Variants in IL17RD observed in about 807,000 individuals in gnomAD.
IL17RD encodes the protein interleukin-17 receptor D.
Under a neutral mutation model 80.5 loss-of-function variants are expected in IL17RD, and 52 were observed. The observed-to-expected ratio is 0.65, with a 90% CI of 0.52 to 0.81. The LOEUF (loss-of-function observed/expected upper bound fraction) is 0.81. Ranked by LOEUF, IL17RD falls within the 40% of genes least tolerant of loss-of-function variation. The pLI, the probability that IL17RD is intolerant of heterozygous loss-of-function variation, is 0.00. For synonymous variants in IL17RD, 416 were observed against 391.8 expected (o/e 1.06, Z -0.73); for missense variants, 1,024 against 955.1 (o/e 1.07, Z -0.95).
intron 1 of IL17RD, among the ~76,000 whole-genome samples, chr3:57,158,475 A>G (rs1439116027): frequency 6.6e-6 from 1 of 152,230 alleles, no homozygotes; most frequent in Admixed American, 6.5e-5. Context: ...TTTAGAAGAG[A>G]ATTACATGTG....
intron 1 of IL17RD, among the ~76,000 whole-genome samples, chr3:57,144,596 C>A (rs1253325279): frequency 6.6e-6 from 1 of 152,234 alleles, no homozygotes; most frequent in Non-Finnish European, 1.5e-5. Flanking sequence ...CAAACTCACC[C>A]TTGTGGAGGG....
chr3:57,099,733 G>A (rs576297900), intron 11 of IL17RD, among the ~76,000 whole-genome samples: 1 of 152,216 alleles, frequency 6.6e-6, no homozygotes, highest in African/African-American at 2.4e-5. Context: ...TCCATTTCCA[G>A]GCATCTTTCT....
upstream of IL17RD, among the ~76,000 whole-genome samples, chr3:57,166,423 T>C (rs1367610268): frequency 1.3e-5 from 2 of 152,030 alleles, no homozygotes; most frequent in Non-Finnish European, 2.9e-5. Context: ...ATCGCTTGAG[T>C]TCAGGAGTTA....
intron 1 of IL17RD, among the ~76,000 whole-genome samples, chr3:57,162,985 A>G (rs1168080627): frequency 6.6e-6 from 1 of 152,190 alleles, no homozygotes; most frequent in African/African-American, 2.4e-5. Flanking sequence ...AGGAAAAGGC[A>G]TCCTGGGAGG....
chr3:57,154,415 G>T (rs1269279407), intron 1 of IL17RD, among the ~76,000 whole-genome samples: 3 of 147,262 alleles, frequency 2.0e-5, no homozygotes, highest in Non-Finnish European at 4.5e-5. Flanking sequence ...AAGTTCGCTG[G>T]CCTGCTGCCC....
intron 1 of IL17RD, among the ~76,000 whole-genome samples, chr3:57,157,269 A>G (rs1437077802): frequency 2.6e-5 from 4 of 152,202 alleles, no homozygotes; most frequent in Non-Finnish European, 5.9e-5. Context: ...TAGGATGAGG[A>G]GCAGCAGAAG....
intron 1 of IL17RD, among the ~76,000 whole-genome samples, chr3:57,153,404 C>A (rs2060243086): frequency 1.3e-5 from 2 of 152,258 alleles, no homozygotes; most frequent in Admixed American, 1.3e-4. Context: ...AGGAAACAAT[C>A]AAAAATCCAA....
chr3:57,109,049 T>A (rs1403277384), intron 5 of IL17RD, among the ~76,000 whole-genome samples: 1 of 152,220 alleles, frequency 6.6e-6, no homozygotes, highest in African/African-American at 2.4e-5. Context: ...AGATGAGCAG[T>A]GTCTATACCT....
At chr3:57,154,283 T>TATATACACACACACACACAC (rs904157398) in intron 1 of IL17RD, among the ~76,000 whole-genome samples, 6 of 112,908 alleles carry the variant, frequency 5.3e-5, no homozygotes, top group African/African-American at 1.9e-4. Flanking sequence ...TATATATATA[T>TATATACACACACACACACAC]ACACACACAC....
At chr3:57,157,783 A>C (rs925462697) in intron 1 of IL17RD, among the ~76,000 whole-genome samples, 1 of 152,228 alleles carries the variant, frequency 6.6e-6, no homozygotes, top group African/African-American at 2.4e-5. Flanking sequence ...CATATGGCCT[A>C]TCTCAGGAAA....
At chr3:57,132,421 C>A (rs1294381315) in intron 1 of IL17RD, among the ~76,000 whole-genome samples, 1 of 152,152 alleles carries the variant, frequency 6.6e-6, no homozygotes, top group African/African-American at 2.4e-5. Flanking sequence ...GATCGCACCA[C>A]TGCACTCTAG....
rs1706598878 is a variant in IL17RD at position 57,093,266 on chromosome 3, A to G, written c.*3127T>C. ...AGTAGTCTTCACCAATAGAAAATAA[A>G]AAAGACTAGTAACCTTCACATTGGC... On this transcript the variant is annotated 3_prime_UTR_variant, in exon 13 of 13. Coordinates refer to ENST00000296318, the MANE Select transcript of IL17RD (RefSeq NM_017563.5). 6.6e-6 allele frequency: 1 copy of G among 152,264 alleles called. No homozygotes were observed. The allele number at this position is 152,264 out of a possible 1,614,324, so 9.4% of individuals were successfully genotyped here.
intron 1 of IL17RD, chr3:57,142,579 CCGCTGTGTTGGTGT>C: frequency 9.0e-7 from 1 of 1,110,610 alleles, no homozygotes; most frequent in Non-Finnish European, 1.2e-6. Flanking sequence ...GCCTGGCTGA[CCGCTGTGTTGGTGT>C]CGCCAACCTG....
chr3:57,164,286 G>A (rs1198774126), intron 1 of IL17RD, among the ~76,000 whole-genome samples: 1 of 152,186 alleles, frequency 6.6e-6, no homozygotes, highest in East Asian at 1.9e-4. Context: ...ATCATCTCCA[G>A]GTTCTGGGGC....
intron 1 of IL17RD, chr3:57,134,318 T>C: frequency 1.5e-6 from 1 of 687,330 alleles, no homozygotes; most frequent in South Asian, 1.4e-5. Flanking sequence ...ATTCCCGGGC[T>C]TGATGCCGGG....
At chr3:57,107,068 G>A (rs558124070) in intron 5 of IL17RD, among the ~76,000 whole-genome samples, 5 of 152,270 alleles carry the variant, frequency 3.3e-5, no homozygotes, top group East Asian at 1.9e-4. Flanking sequence ...GGTCTTTGCC[G>A]TATGGAATTT....
At chr3:57,161,727 A>C (rs2060306703) in intron 1 of IL17RD, among the ~76,000 whole-genome samples, 1 of 152,196 alleles carries the variant, frequency 6.6e-6, no homozygotes, top group East Asian at 1.9e-4. Flanking sequence ...AGACAAGGGG[A>C]GGGAGAACTT....
chr3:57,103,515 T>C (rs924424270), intron 8 of IL17RD, among the ~76,000 whole-genome samples: 1 of 152,188 alleles, frequency 6.6e-6, no homozygotes, highest in Non-Finnish European at 1.5e-5. Context: ...GGTGTATCAG[T>C]CAAAAACCAC....
chr3:57,097,530 T>G, intron 12 of IL17RD, 66 bp downstream of exon 12: 1 of 1,301,350 alleles, frequency 7.7e-7, no homozygotes, highest in South Asian at 1.3e-5. Flanking sequence ...AAAAACGCTT[T>G]GACTGATTTC....
Sources: allele counts gnomAD v4.1 joint callset (sites outside exome capture counted in the v4.1 genomes callset), GRCh38; gene constraint gnomAD v4.1.1; transcripts MANE v1.5; gene names NCBI Gene and HGNC (gene_info 2026-07-23, HGNC 2026-07-21).